Variants in FGF14 observed in about 807,000 individuals in gnomAD.
FGF14 encodes fibroblast growth factor homologous factor 4.
FGF14 carries 5 observed loss-of-function variants against 25.5 expected under a neutral mutation model. That is an observed-to-expected ratio of 0.20 (90% confidence interval 0.10 to 0.41). The LOEUF is 0.41. Ranked by LOEUF, FGF14 falls within the 10% of genes least tolerant of loss-of-function variation. The pLI is 1.00. For missense variants in FGF14, 222 were observed against 320.1 expected (o/e 0.69, Z 2.34); for synonymous variants, 138 against 118.3 (o/e 1.17, Z -1.08).
At chr13:102,254,041 G>A (rs2052326321) in intron 1 of FGF14, among the ~76,000 whole-genome samples, 2 of 152,084 alleles carry the variant, frequency 1.3e-5, no homozygotes, top group African/African-American at 4.8e-5. Flanking sequence ...CACAGTACAC[G>A]GTAACACCAC....
intron 1 of FGF14, among the ~76,000 whole-genome samples, chr13:101,899,957 T>A (rs2031303906): frequency 6.6e-6 from 1 of 152,148 alleles, no homozygotes; most frequent in Admixed American, 6.5e-5. Context: ...AAATAAAACA[T>A]ACATTTTGTT....
At chr13:102,386,930 TAA>T (rs1484546760) in intron 1 of FGF14, among the ~76,000 whole-genome samples, 4 of 152,176 alleles carry the variant, frequency 2.6e-5, no homozygotes, top group Non-Finnish European at 5.9e-5. Flanking sequence ...ACTCACCCAC[TAA>T]AATGACAGAA....
chr13:102,172,735 G>A (rs1230929342), intron 1 of FGF14, among the ~76,000 whole-genome samples: 4 of 152,116 alleles, frequency 2.6e-5, no homozygotes, highest in Admixed American at 2.6e-4. Flanking sequence ...GCCCTTGTCT[G>A]CTCACACAAG....
intron 1 of FGF14, among the ~76,000 whole-genome samples, chr13:102,140,910 C>G (rs1418240105): frequency 6.6e-6 from 1 of 152,078 alleles, no homozygotes; most frequent in Non-Finnish European, 1.5e-5. Context: ...TTACCAAATC[C>G]AAGGATGAAT....
At chr13:101,974,844 T>C (rs4772432) in intron 1 of FGF14, among the ~76,000 whole-genome samples, 56,032 of 152,040 alleles carry the variant, frequency 0.37, 10,948 homozygotes, top group East Asian at 0.71. Context: ...AAATTCTTGT[T>C]GAATGAATGT....
chr13:101,963,506 G>A (rs1344523048), intron 1 of FGF14, among the ~76,000 whole-genome samples: 2 of 152,008 alleles, frequency 1.3e-5, no homozygotes, highest in Non-Finnish European at 2.9e-5. Context: ...CCTTAACTGT[G>A]CCCCACTCTG....
At chr13:102,075,750 T>C (rs2043334840) in intron 1 of FGF14, among the ~76,000 whole-genome samples, 1 of 152,184 alleles carries the variant, frequency 6.6e-6, no homozygotes, top group South Asian at 2.1e-4. Flanking sequence ...AGATGACAGT[T>C]CCATGCGTGT....
chr13:101,754,995 T>C (rs2037548717), intron 3 of FGF14, among the ~76,000 whole-genome samples: 1 of 152,130 alleles, frequency 6.6e-6, no homozygotes, highest in African/African-American at 2.4e-5. Flanking sequence ...ATACGGCATA[T>C]CAACATTGTT....
At chr13:101,775,190 T>G (rs908448641) in intron 3 of FGF14, among the ~76,000 whole-genome samples, 1 of 152,026 alleles carries the variant, frequency 6.6e-6, no homozygotes, top group Non-Finnish European at 1.5e-5. Flanking sequence ...TGCACACACA[T>G]GAAAAACACA....
intron 1 of FGF14, among the ~76,000 whole-genome samples, chr13:102,213,010 T>C (rs2050222418): frequency 6.6e-6 from 1 of 152,192 alleles, no homozygotes; most frequent in African/African-American, 2.4e-5. Context: ...CTTTTTTACA[T>C]ACTGTGGCAA....
intron 1 of FGF14, among the ~76,000 whole-genome samples, chr13:102,131,179 G>C (rs1237025964): frequency 6.6e-6 from 1 of 152,156 alleles, no homozygotes; most frequent in African/African-American, 2.4e-5. Context: ...AGGCAATGAA[G>C]GCTAAACCTC....
intron 3 of FGF14, among the ~76,000 whole-genome samples, chr13:101,760,973 G>T (rs1165024759): frequency 6.6e-6 from 1 of 152,006 alleles, no homozygotes; most frequent in Non-Finnish European, 1.5e-5. Flanking sequence ...GAAAAAAAAA[G>T]TATTACTTCA....
At chr13:102,266,235 G>A (rs1186967524) in intron 1 of FGF14, among the ~76,000 whole-genome samples, 1 of 152,106 alleles carries the variant, frequency 6.6e-6, no homozygotes, top group Non-Finnish European at 1.5e-5. Context: ...AAAGGTGAAT[G>A]ACAAATATTG....
intron 1 of FGF14, among the ~76,000 whole-genome samples, chr13:102,241,449 C>T (rs542354552): frequency 3.3e-5 from 5 of 152,016 alleles, no homozygotes; most frequent in Non-Finnish European, 5.9e-5. Context: ...CTGTTCTTTC[C>T]CCATCGTAAA....
intron 1 of FGF14, among the ~76,000 whole-genome samples, chr13:102,315,940 C>T (rs1340610104): frequency 6.6e-6 from 1 of 152,156 alleles, no homozygotes; most frequent in Non-Finnish European, 1.5e-5. Flanking sequence ...TATACCAGCA[C>T]TGCAAAAAAG....
At chr13:102,149,961 A>G (rs2047011081) in intron 1 of FGF14, among the ~76,000 whole-genome samples, 1 of 152,224 alleles carries the variant, frequency 6.6e-6, no homozygotes, top group Non-Finnish European at 1.5e-5. Context: ...AACAAATTCG[A>G]AGACAAAAAT....
At chr13:101,764,116 A>G (rs2038228414) in intron 3 of FGF14, among the ~76,000 whole-genome samples, 1 of 152,154 alleles carries the variant, frequency 6.6e-6, no homozygotes. Context: ...CACTGTTAAG[A>G]ATTGTTGGCA....
intron 1 of FGF14, among the ~76,000 whole-genome samples, chr13:102,307,483 T>C (rs1330099162): frequency 1.3e-5 from 2 of 152,198 alleles, no homozygotes; most frequent in Non-Finnish European, 2.9e-5. Flanking sequence ...GCTTATAATT[T>C]GAGTTTATAA....
chr13:101,714,546 G>A lies in FGF14; in HGVS notation c.*8285C>T, dbSNP rs2034628082. The A allele has an allele frequency of 1.3e-6, 2 of 1,575,384 alleles. No individual in the cohort carries two copies. The highest frequency in any genetic ancestry group is 1.7e-4 in the Middle Eastern group (1 of 5,986). ...TGCGACAAACATGATGGTCTCATTTGTACAGGTGCAGTATTAACCTTTTCT... is the reference window on the plus strand; with the variant it reads ...TGCGACAAACATGATGGTCTCATTTATACAGGTGCAGTATTAACCTTTTCT... On this transcript the variant is annotated 3_prime_UTR_variant, in exon 5 of 5. Coordinates refer to ENST00000376143, the MANE Select transcript of FGF14 (RefSeq NM_004115.4).
Sources: allele counts gnomAD v4.1 joint callset (sites outside exome capture counted in the v4.1 genomes callset), GRCh38; gene constraint gnomAD v4.1.1; transcripts MANE v1.5; gene names NCBI Gene and HGNC (gene_info 2026-07-23, HGNC 2026-07-21).